Variants in ASAH1 observed in about 807,000 individuals in gnomAD.
ASAH1 encodes the protein N-acylsphingosine amidohydrolase 1.
ASAH1 carries 70 observed loss-of-function variants against 59.5 expected under a neutral mutation model. The observed-to-expected ratio is 1.18, with a 90% CI of 0.97 to 1.43. The LOEUF (loss-of-function observed/expected upper bound fraction) is 1.43, where lower values mean the gene tolerates loss of function less well. ASAH1 is among the 40% of genes most tolerant of loss of function. ASAH1 has a pLI of 0.00. For missense variants in ASAH1, 660 were observed against 482.5 expected (o/e 1.37, Z -3.45); for synonymous variants, 213 against 166.5 (o/e 1.28, Z -2.15).
At chr8:18,063,980 A>G (rs1202374616) in intron 6 of ASAH1, 2 of 196,116 alleles carry the variant, frequency 1.0e-5, no homozygotes, top group Non-Finnish European at 2.1e-5. Context: ...GAGTTAGCGA[A>G]GTTGTCCTGT....
At chr8:18,079,727 C>T (rs1800572642) in intron 1 of ASAH1, among the ~76,000 whole-genome samples, 2 of 152,342 alleles carry the variant, frequency 1.3e-5, no homozygotes, top group African/African-American at 4.8e-5. Context: ...TCTAGCCAGA[C>T]AATTTTTCAT....
upstream of ASAH1, chr8:18,084,528 G>C: frequency 7.1e-7 from 1 of 1,413,466 alleles, no homozygotes; most frequent in South Asian, 1.3e-5. Context: ...ATCCCACCCT[G>C]ACCCATCTTT....
chr8:18,067,374 T>C (rs1218009156), intron 4 of ASAH1, 76 bp from the exon 5 acceptor site: 1 of 920,830 alleles, frequency 1.1e-6, no homozygotes, highest in Non-Finnish European at 1.5e-6. Context: ...TAAACAAATA[T>C]AATAAAAGCA....
At chr8:18,068,822 C>T (rs199707819) in intron 4 of ASAH1, among the ~76,000 whole-genome samples, 38 of 152,102 alleles carry the variant, frequency 2.5e-4, no homozygotes, top group Non-Finnish European at 1.6e-4. Context: ...GACAAGCCCA[C>T]GACAAAGAAA....
intron 5 of ASAH1, chr8:18,065,331 T>C (rs1334275925): frequency 1.1e-4 from 16 of 152,144 alleles, no homozygotes; most frequent in Non-Finnish European, 2.4e-4. Context: ...TTGCTTTCCA[T>C]AAAGGCAGCA....
rs78267388 is a variant in ASAH1 at position 18,059,579 on chromosome 8, C to A, written c.910G>T (p.Val304Leu). 6.2e-7 allele frequency: 1 copy of A among 1,614,230 alleles called. No individual in the cohort carries two copies. Among genetic ancestry groups the A allele is most frequent in the South Asian group, 1.1e-5 (1 of 91,084 alleles). Residue 304 changes from valine to leucine, a missense_variant, in exon 11 of 14, where the codon GTA becomes TTA. Physicochemically the swap from Val to Leu is conservative, Grantham distance 32 (BLOSUM62 1). Transcript: ENST00000637790. ...ITRDRKESLD[V>L]YELDAKQGRW... is the part of the protein sequence containing the mutation. ...TTTAACAAACCTACTTACTCATATACATCCAATGATTCCTTTCTGTCTCGT... is the reference window on the plus strand; with the variant it reads ...TTTAACAAACCTACTTACTCATATAAATCCAATGATTCCTTTCTGTCTCGT...
chr8:18,071,442 G>T, intron 2 of ASAH1, 52 bp from the exon 3 acceptor site: 2 of 1,183,768 alleles, frequency 1.7e-6, no homozygotes, highest in Non-Finnish European at 2.5e-6. Flanking sequence ...TTTTGTGAGG[G>T]TCAGTTAGAT....
rs774226930 is a variant in ASAH1 at position 18,057,631 on chromosome 8, A to G, written c.1099-8T>C. The G allele has an allele frequency of 4.4e-6, 7 of 1,589,692 alleles. No individual in the cohort carries two copies. The highest frequency in any genetic ancestry group is 6.0e-6 in the Non-Finnish European group (7 of 1,163,392). ...GGTTGTGTATACGGTCAGCTGAAAG[A>G]AAAGTTATTTTTACTTTAAGGACGT... On this transcript the variant is annotated splice_region_variant and splice_polypyrimidine_tract_variant and intron_variant, in intron 13 of 13. Coordinates refer to ENST00000637790, the MANE Select transcript of ASAH1 (RefSeq NM_177924.5).
intron 2 of ASAH1, among the ~76,000 whole-genome samples, chr8:18,072,558 C>A (rs950143775): frequency 6.6e-6 from 1 of 152,122 alleles, no homozygotes; most frequent in African/African-American, 2.4e-5. Flanking sequence ...TCATAGTGAA[C>A]GAATTTTGTT....
chr8:18,061,168 G>T (rs544330239), intron 10 of ASAH1: 2 of 461,058 alleles, frequency 4.3e-6, no homozygotes, highest in East Asian at 8.1e-5. Flanking sequence ...AGTATCCCTA[G>T]TGCTTTTTAA....
At chr8:18,084,216 A>C (rs552120005), upstream of ASAH1, 8 of 1,507,464 alleles carry the variant, frequency 5.3e-6, no homozygotes, top group South Asian at 2.5e-5. Flanking sequence ...CGGGACTGGG[A>C]GGAGAGGACG....
At chr8:18,064,197 G>C (rs1039954681) in intron 6 of ASAH1, 1 of 576,720 alleles carries the variant, frequency 1.7e-6, no homozygotes, top group Non-Finnish European at 3.1e-6. Context: ...CTATGAGGAA[G>C]AGAAGAATGT....
chr8:18,070,416 G>A (rs574412431), intron 3 of ASAH1, among the ~76,000 whole-genome samples: 169 of 152,040 alleles, frequency 1.1e-3, no homozygotes, highest in South Asian at 9.1e-3. Context: ...CCAAAGTGCT[G>A]GGATTACAGG....
chr8:18,069,757 G>C (rs1800080665), intron 4 of ASAH1, 35 bp downstream of exon 4: 5 of 1,440,686 alleles, frequency 3.5e-6, no homozygotes, highest in Non-Finnish European at 4.9e-6. Context: ...TTTTCTATGT[G>C]CTTAACATTT....
At chr8:18,083,560 C>G (rs1363182465) in intron 1 of ASAH1, among the ~76,000 whole-genome samples, 1 of 152,250 alleles carries the variant, frequency 6.6e-6, no homozygotes, top group African/African-American at 2.4e-5. Context: ...GTATCCTGGG[C>G]TGAACTCCTG....
In ASAH1 at chr8:18,058,620, A is replaced by G. The variant is rs1799564219; in HGVS notation, c.1098+215T>C. ...TCAAATGCTATGTAAATAAAGCTAT[A>G]AACAATATTCTGACCTATCAAGCCT... On this transcript the variant is annotated intron_variant, in intron 13 of 13. Coordinates refer to ENST00000637790, the MANE Select transcript of ASAH1 (RefSeq NM_177924.5). 1.9e-5 allele frequency: 11 copies of G among 579,210 alleles called. 1 individual carries two copies. In the South Asian group the frequency reaches 2.1e-4, roughly 11 times the overall value. 35.9% of individuals were successfully genotyped at this position (579,210 alleles called of 1,614,324 possible). A position where few individuals can be genotyped will look rare whatever the true frequency, so the allele number is the denominator to read the frequency against.
At chr8:18,077,753 T>C (rs1800472409) in intron 1 of ASAH1, among the ~76,000 whole-genome samples, 1 of 152,232 alleles carries the variant, frequency 6.6e-6, no homozygotes, top group African/African-American at 2.4e-5. Flanking sequence ...TGGCTTTCCT[T>C]ATTTTGCTAA....
intron 1 of ASAH1, among the ~76,000 whole-genome samples, chr8:18,080,235 T>C (rs1033524635): frequency 2.0e-5 from 3 of 152,226 alleles, no homozygotes; most frequent in African/African-American, 7.2e-5. Context: ...TGTTAACTAG[T>C]ATGAGAAGCT....
At chr8:18,075,349 A>G in intron 2 of ASAH1, 192 bp downstream of exon 2, 1 of 714,068 alleles carries the variant, frequency 1.4e-6, no homozygotes. Flanking sequence ...TTTGAATCGG[A>G]AGATATTTTC....
Sources: gnomAD v4.1 joint callset for allele counts (sites outside exome capture counted in the v4.1 genomes callset) on GRCh38, gnomAD v4.1.1 for gene constraint, MANE v1.5 for transcripts, NCBI Gene and HGNC (gene_info 2026-07-23, HGNC 2026-07-21) for gene names.